Variants in ARHGAP39 observed in about 807,000 individuals in gnomAD.
ARHGAP39 encodes rho GTPase-activating protein 39.
Under a neutral mutation model 106.9 loss-of-function variants are expected in ARHGAP39, and 44 were observed. That is an observed-to-expected ratio of 0.41 (90% CI 0.32 to 0.53). The LOEUF (loss-of-function observed/expected upper bound fraction) is 0.53, where lower values mean the gene tolerates loss of function less well. Among genes scored for constraint, ARHGAP39 ranks in the 20% least tolerant of loss-of-function variants. The pLI, the probability that ARHGAP39 is intolerant of heterozygous loss-of-function variation, is 0.21. For synonymous variants in ARHGAP39, 768 were observed against 693.2 expected (o/e 1.11, Z -1.69); for missense variants, 1,496 against 1,577.3 (o/e 0.95, Z 0.87).
At chr8:144,633,506 G>T (rs927235727) in intron 1 of ARHGAP39, among the ~76,000 whole-genome samples, 1 of 152,110 alleles carries the variant, frequency 6.6e-6, no homozygotes, top group East Asian at 1.9e-4. Context: ...ATGTCCAGTC[G>T]GCAAAAAAAG....
In ARHGAP39 at chr8:144,662,356, G is replaced by A. The variant is rs145918091; in HGVS notation, c.-82+23330C>T. Among the ~76,000 whole-genome samples, 133 of 124,166 alleles carry A rather than the reference G, an allele frequency of 1.1e-3. 1 individual carries two copies. Among genetic ancestry groups the A allele is most frequent in the African/African-American group, 3.5e-3 (112 of 31,592 alleles). The allele number at this position is 124,166 out of a possible 152,430, so 81.5% of individuals were successfully genotyped here. A position where few individuals can be genotyped will look rare whatever the true frequency, so the allele number is the denominator to read the frequency against. ...GCCTTAGAGCGATTCCCCTCTCCCC[G>A]TTATCCACCTTGGACCACGTTCCAC... On this transcript the variant is annotated intron_variant, in intron 1 of 11. Coordinates refer to ENST00000377307, the MANE Select transcript of ARHGAP39 (RefSeq NM_025251.3).
chr8:144,532,801 A>C, intron 9 of ARHGAP39, among the ~76,000 whole-genome samples: 1 of 152,162 alleles, frequency 6.6e-6, no homozygotes, highest in South Asian at 2.1e-4. Flanking sequence ...TTCACAGACA[A>C]GGGCTGCCTG....
chr8:144,609,987 TTGAATCTA>T (rs1820434015), intron 1 of ARHGAP39, among the ~76,000 whole-genome samples: 1 of 152,248 alleles, frequency 6.6e-6, no homozygotes, highest in Non-Finnish European at 1.5e-5. Context: ...CAATTACACA[TTGAATCTA>T]TTTAATAGAT....
At chr8:144,629,400 G>A (rs1436702633) in intron 1 of ARHGAP39, among the ~76,000 whole-genome samples, 1 of 152,168 alleles carries the variant, frequency 6.6e-6, no homozygotes, top group East Asian at 1.9e-4. Flanking sequence ...CTGAGGCGGA[G>A]CACGGCTGTG....
At chr8:144,659,070 C>T (rs1292390275) in intron 1 of ARHGAP39, among the ~76,000 whole-genome samples, 3 of 152,130 alleles carry the variant, frequency 2.0e-5, no homozygotes, top group African/African-American at 4.8e-5. Flanking sequence ...ATTCTGTTCA[C>T]TCACTCCACA....
At chr8:144,623,342 A>G (rs934098366) in intron 1 of ARHGAP39, among the ~76,000 whole-genome samples, 2 of 152,274 alleles carry the variant, frequency 1.3e-5, no homozygotes, top group African/African-American at 4.8e-5. Flanking sequence ...TATAATAATT[A>G]CAGTAATGTA....
chr8:144,533,528 C>T (rs1586871356), intron 8 of ARHGAP39, among the ~76,000 whole-genome samples: 1 of 152,352 alleles, frequency 6.6e-6, no homozygotes, highest in Non-Finnish European at 1.5e-5. Context: ...CCTAACTCCT[C>T]CTGGGCTGCC....
intron 1 of ARHGAP39, among the ~76,000 whole-genome samples, chr8:144,623,422 C>G (rs1399033515): frequency 1.3e-5 from 2 of 152,168 alleles, no homozygotes; most frequent in African/African-American, 4.8e-5. Flanking sequence ...AAGATCTATA[C>G]CAAACACATC....
chr8:144,640,088 A>G (rs764632973), intron 1 of ARHGAP39, among the ~76,000 whole-genome samples: 27 of 152,202 alleles, frequency 1.8e-4, no homozygotes, highest in Non-Finnish European at 3.4e-4. Flanking sequence ...ATGGAAAACC[A>G]TTTCTGCCAA....
At chr8:144,581,808 C>A (rs555414006) in intron 2 of ARHGAP39, among the ~76,000 whole-genome samples, 5 of 152,164 alleles carry the variant, frequency 3.3e-5, no homozygotes, top group Admixed American at 6.5e-5. Context: ...CTCAGACCCC[C>A]GATGGGGGGC....
Position 144,548,015 on chromosome 8 carries a change from G to C in ARHGAP39, c.1071C>G (p.Leu357=), listed in dbSNP as rs771671583. 1 of 1,609,606 alleles carries C rather than the reference G, an allele frequency of 6.2e-7. No individual in the cohort carries two copies. Among genetic ancestry groups the C allele is most frequent in the Non-Finnish European group, 8.5e-7 (1 of 1,179,096 alleles). The change falls in exon 5 of 12, where the codon CTC becomes CTG. Residue 357 remains leucine, a synonymous_variant. Transcript: ENST00000377307. The surrounding 1 kb of genome is among the most constrained non-coding windows in gnomAD (Gnocchi z 7.4). ...AGGGGGGGCCCTGCTTGTTGGGCTG[G>C]AGGAACGGCCGGGGCTTACGGCCCG... ...RSPGRKPRPF[L]QPNKQGPPSP...
intron 1 of ARHGAP39, among the ~76,000 whole-genome samples, chr8:144,677,408 G>C (rs1822270688): frequency 6.6e-6 from 1 of 152,220 alleles, no homozygotes; most frequent in East Asian, 1.9e-4. Context: ...CAGAAATAAA[G>C]ACACTAAGAG....
At chr8:144,651,795 G>A (rs1821580805) in intron 1 of ARHGAP39, among the ~76,000 whole-genome samples, 1 of 152,120 alleles carries the variant, frequency 6.6e-6, no homozygotes, top group African/African-American at 2.4e-5. Flanking sequence ...AGAAGCTGGA[G>A]GCATCATGTT....
intron 9 of ARHGAP39, 147 bp from the exon 10 acceptor site, chr8:144,532,543 C>G (rs1025000306): frequency 1.5e-6 from 1 of 667,794 alleles, no homozygotes; most frequent in African/African-American, 1.8e-5. Flanking sequence ...TGGCCTCTTT[C>G]CCACGAACGT....
At position 144,547,996 on chromosome 8, in the gene ARHGAP39, G is replaced by A. The variant is rs746036901; in HGVS notation, c.1090C>T (p.Pro364Ser). The change falls in exon 5 of 12, where the codon CCC (proline) becomes TCC (serine). Residue 364 changes from proline (P) to serine (S), a missense_variant. By Grantham distance (74) the Pro-to-Ser change is moderately conservative. Transcript: ENST00000377307. The surrounding 1 kb of genome is among the most constrained non-coding windows in gnomAD (Gnocchi z 5.2). ...ACCAGCTGCTGGCAGGGCGAGGGGGGGCCCTGCTTGTTGGGCTGGAGGAAC... is the reference window on the plus strand; with the variant it reads ...ACCAGCTGCTGGCAGGGCGAGGGGGAGCCCTGCTTGTTGGGCTGGAGGAAC... ...RPFLQPNKQG[P>S]PSPCQQLVLT... The A allele has an allele frequency of 1.1e-5, 17 of 1,610,074 alleles. No homozygotes were observed. The Admixed American group carries it at 1.3e-4, about 13-fold the overall frequency.
intron 2 of ARHGAP39, among the ~76,000 whole-genome samples, chr8:144,598,659 T>TGAGACCC (rs1456263979): frequency 6.6e-6 from 1 of 152,224 alleles, no homozygotes; most frequent in Admixed American, 6.5e-5. Flanking sequence ...AAGGCGGATC[T>TGAGACCC]GAGACCCAAA....
At chr8:144,635,266 G>C (rs528290386) in intron 1 of ARHGAP39, among the ~76,000 whole-genome samples, 1 of 152,184 alleles carries the variant, frequency 6.6e-6, no homozygotes, top group Non-Finnish European at 1.5e-5. Flanking sequence ...GGGGGGAGGC[G>C]AAAGAGGCTG....
chr8:144,533,509 C>A (rs1173164219), intron 8 of ARHGAP39, among the ~76,000 whole-genome samples, 184 bp from the exon 9 acceptor site: 1 of 152,198 alleles, frequency 6.6e-6, no homozygotes, highest in Non-Finnish European at 1.5e-5. Context: ...CCCTCCTCGC[C>A]CCCCAAACCC....
rs1821451960 is a variant in ARHGAP39 at position 144,646,692 on chromosome 8, A to G, written c.-82+38994T>C. ...ACCTGAAAGCCTTGATTCTCAGAAAACAACGCCTCTCTGAGCCAAGGGCAT... is the reference window on the plus strand; with the variant it reads ...ACCTGAAAGCCTTGATTCTCAGAAAGCAACGCCTCTCTGAGCCAAGGGCAT... On this transcript the variant is annotated intron_variant, in intron 1 of 11. Transcript: ENST00000377307. This position sits in a 1 kb window ranked among gnomAD's most constrained non-coding sequence, Gnocchi z 5.7. 6.6e-6 allele frequency among the ~76,000 whole-genome samples: 1 copy of G among 152,200 alleles called. No homozygotes were observed. The highest frequency in any genetic ancestry group is 1.5e-5 in the Non-Finnish European group (1 of 68,042).
Sources: gnomAD v4.1 joint callset for allele counts (sites outside exome capture counted in the v4.1 genomes callset) on GRCh38, gnomAD v4.1.1 for gene constraint, Gnocchi (gnomAD v3.1) non-coding constraint, MANE v1.5 for transcripts, NCBI Gene and HGNC (gene_info 2026-07-23, HGNC 2026-07-21) for gene names.